KCNQ5: variants seen among roughly 807,000 people sequenced by gnomAD.
The protein encoded by KCNQ5 is potassium voltage-gated channel subfamily Q member 5.
KCNQ5 carries 30 observed loss-of-function variants against 98.2 expected under a neutral mutation model. The ratio of observed to expected loss-of-function variants is 0.31; its 90% CI spans 0.23 to 0.41. The LOEUF is 0.41. KCNQ5 is among the 10% of genes least tolerant of loss of function. The pLI is 1.00. For synonymous variants in KCNQ5, 458 were observed against 449.4 expected (o/e 1.02, Z -0.24); for missense variants, 835 against 1,182.5 (o/e 0.71, Z 4.31).
intron 1 of KCNQ5, among the ~76,000 whole-genome samples, chr6:72,960,786 C>T (rs912360784): frequency 6.6e-6 from 1 of 152,250 alleles, no homozygotes. Context: ...CTCTTCTATC[C>T]AGGCATGGTG....
intron 2 of KCNQ5, 46 bp downstream of exon 2, chr6:73,004,044 CT>C (rs747231647): frequency 5.6e-5 from 61 of 1,082,030 alleles, no homozygotes; most frequent in Non-Finnish European, 8.1e-5. Flanking sequence ...TGTATAAGAA[CT>C]GCCTATAACA....
Position 73,017,887 on chromosome 6 carries a change from C to G in KCNQ5, c.489+13889C>G, listed in dbSNP as rs551795804. Among the ~76,000 whole-genome samples the G allele has an allele frequency of 8.7e-4, 132 of 152,210 alleles. 1 individual carries two copies. The highest frequency in any genetic ancestry group is 3.1e-3 in the African/African-American group (128 of 41,532). ...AAATGGAAACTCCAGACCAAAACAG[C>G]TCTCAGGGGAGACCAGAAGGGTAGA... is the stretch of plus-strand genomic sequence containing the variant. On this transcript the variant is annotated intron_variant, in intron 2 of 13. Transcript: ENST00000370398.
chr6:72,939,836 A>G (rs1321162972), intron 1 of KCNQ5, among the ~76,000 whole-genome samples: 1 of 152,200 alleles, frequency 6.6e-6, no homozygotes, highest in Non-Finnish European at 1.5e-5. Flanking sequence ...CCCTTAGCAG[A>G]GAGTAGGCAT....
chr6:73,079,487 C>G (rs945294543), intron 5 of KCNQ5, among the ~76,000 whole-genome samples: 1 of 152,104 alleles, frequency 6.6e-6, no homozygotes, highest in African/African-American at 2.4e-5. Context: ...GAACATTTGT[C>G]AGAGAGGGGG....
At chr6:72,760,449 T>C (rs1582238409) in intron 1 of KCNQ5, among the ~76,000 whole-genome samples, 2 of 12,496 alleles carry the variant, frequency 1.6e-4, no homozygotes, top group African/African-American at 1.8e-3. Context: ...CAGGAGTACG[T>C]GTGTGTGTGT....
In KCNQ5 at chr6:72,655,022, G is replaced by T. The variant is rs867195807; in HGVS notation, c.398+32435G>T. Among the ~76,000 whole-genome samples the T allele has an allele frequency of 2.9e-3, 344 of 119,056 alleles. 5 individuals carry two copies. The highest frequency in any genetic ancestry group is 8.6e-3 in the East Asian group (26 of 3,026). The allele number at this position is 119,056 out of a possible 152,430, so 78.1% of individuals were successfully genotyped here. ...TTTCCATGTTTAATAGCCAAGGTCT[G>T]TCTGTCTTTCTTTCTTTCTTTCTTT... On this transcript the variant is annotated intron_variant, in intron 1 of 13. Coordinates refer to ENST00000370398, the MANE Select transcript of KCNQ5 (RefSeq NM_019842.4).
chr6:72,836,444 A>G (rs947360935), intron 1 of KCNQ5, among the ~76,000 whole-genome samples: 5 of 151,650 alleles, frequency 3.3e-5, no homozygotes, highest in African/African-American at 9.7e-5. Flanking sequence ...CTGTGTGTGT[A>G]TATATATATA....
intron 2 of KCNQ5, among the ~76,000 whole-genome samples, chr6:73,007,966 G>A (rs1226399723): frequency 6.6e-6 from 1 of 152,062 alleles, no homozygotes; most frequent in Non-Finnish European, 1.5e-5. Context: ...TAACTGAAAG[G>A]TGTAGGGCTA....
At position 73,120,527 on chromosome 6, in the gene KCNQ5, T is replaced by C; in HGVS notation, c.1170T>C (p.Ile390=). 6.2e-7 allele frequency: 1 copy of C among 1,612,352 alleles called. No individual in the cohort carries two copies. The highest frequency in any genetic ancestry group is 1.1e-5 in the South Asian group (1 of 90,756). ...CAGCTGATGAGAAATCTGTTTCCATTGCAACCTGGAAGCCACACTTGAAGG... is the reference window on the plus strand; with the variant it reads ...CAGCTGATGAGAAATCTGTTTCCATCGCAACCTGGAAGCCACACTTGAAGG... ...SYAADEKSVS[I]ATWKPHLKAL... Residue 390 remains isoleucine, a synonymous_variant, in exon 8 of 14, where the codon ATT becomes ATC. Coordinates refer to ENST00000370398, the MANE Select transcript of KCNQ5 (RefSeq NM_019842.4).
intron 1 of KCNQ5, among the ~76,000 whole-genome samples, chr6:72,883,257 C>T (rs1778713172): frequency 6.6e-6 from 1 of 152,126 alleles, no homozygotes; most frequent in Admixed American, 6.6e-5. Flanking sequence ...TTTATAATAA[C>T]ATTACTTTGT....
At chr6:73,082,020 T>TGTGA (rs2150395977) in intron 5 of KCNQ5, among the ~76,000 whole-genome samples, 1 of 152,378 alleles carries the variant, frequency 6.6e-6, no homozygotes, top group East Asian at 1.9e-4. Flanking sequence ...CTTTCACCTG[T>TGTGA]GTGACTGTAT....
intron 1 of KCNQ5, among the ~76,000 whole-genome samples, chr6:72,965,487 T>C (rs1767557189): frequency 6.6e-6 from 1 of 152,158 alleles, no homozygotes; most frequent in African/African-American, 2.4e-5. Flanking sequence ...TAATGAGAAA[T>C]GGCTGTATCT....
chr6:73,193,822 CA>C (rs1334459417), intron 13 of KCNQ5, among the ~76,000 whole-genome samples: 1 of 146,148 alleles, frequency 6.8e-6, no homozygotes, highest in Non-Finnish European at 1.5e-5. Flanking sequence ...GACAATCTGA[CA>C]GGAATGGGAA....
intron 1 of KCNQ5, among the ~76,000 whole-genome samples, chr6:72,767,643 A>T (rs894627778): frequency 6.6e-6 from 1 of 152,078 alleles, no homozygotes; most frequent in Non-Finnish European, 1.5e-5. Flanking sequence ...ACTCAATAGT[A>T]TAAAGACATT....
intron 1 of KCNQ5, among the ~76,000 whole-genome samples, chr6:72,668,232 T>G (rs958267211): frequency 6.6e-6 from 1 of 152,200 alleles, no homozygotes; most frequent in African/African-American, 2.4e-5. Context: ...TTTTAAAAGT[T>G]ATTTCTTAAA....
intron 1 of KCNQ5, among the ~76,000 whole-genome samples, chr6:72,854,561 G>A (rs1777438761): frequency 6.6e-6 from 1 of 151,750 alleles, no homozygotes; most frequent in African/African-American, 2.4e-5. Flanking sequence ...AGTCTTAAAA[G>A]AGAGAATAAG....
intron 11 of KCNQ5, 68 bp from the exon 12 acceptor site, chr6:73,190,505 G>T: frequency 1.2e-6 from 1 of 823,006 alleles, no homozygotes; most frequent in Non-Finnish European, 1.7e-6. Flanking sequence ...TATATTTACT[G>T]GTAAACTATT....
At chr6:72,791,074 G>A (rs1774012524) in intron 1 of KCNQ5, among the ~76,000 whole-genome samples, 1 of 152,174 alleles carries the variant, frequency 6.6e-6, no homozygotes, top group Non-Finnish European at 1.5e-5. Flanking sequence ...ACAGGATGTG[G>A]TCTTGGAAAG....
Position 72,832,829 on chromosome 6 carries a change from AG to A in KCNQ5, c.399-171078del, listed in dbSNP as rs1410690942. Among the ~76,000 whole-genome samples the A allele has an allele frequency of 2.6e-5, 4 of 152,292 alleles. No homozygotes were observed. In the East Asian group the frequency reaches 7.7e-4, roughly 29 times the overall value. On this transcript the variant is annotated intron_variant, in intron 1 of 13. Transcript: ENST00000370398. ...TCCAACTGAACACATATATGGTAAAAGCCACTGGGAGGAAAACGAGGAAAGG... is the reference window on the plus strand; with the variant it reads ...TCCAACTGAACACATATATGGTAAAACCACTGGGAGGAAAACGAGGAAAGG...
Sources: allele counts gnomAD v4.1 joint callset (sites outside exome capture counted in the v4.1 genomes callset), GRCh38; gene constraint gnomAD v4.1.1; transcripts MANE v1.5; gene names NCBI Gene and HGNC (gene_info 2026-07-23, HGNC 2026-07-21).